TMEM119: variants seen among roughly 807,000 people sequenced by gnomAD.
The protein encoded by TMEM119 is transmembrane protein 119.
For synonymous variants in TMEM119, 182 were observed against 176.4 expected (o/e 1.03, Z -0.25); for missense variants, 410 against 381.0 (o/e 1.08, Z -0.63).
intron 1 of TMEM119, among the ~76,000 whole-genome samples, chr12:108,593,358 C>T (rs755608277): frequency 5.9e-5 from 9 of 152,064 alleles, no homozygotes; most frequent in Admixed American, 1.3e-4. Flanking sequence ...GCAGGAAAAT[C>T]GCTTGAACCT....
rs549546694 is a variant in TMEM119, at chr12:108,590,464, G to A, written c.*1068C>T. On this transcript the variant is annotated 3_prime_UTR_variant, in exon 2 of 2. Coordinates refer to ENST00000392806, the MANE Select transcript of TMEM119 (RefSeq NM_181724.3). ...TAATCCCAGCACTTTGGGAGGCAGAGGCAGGTGGATCACCTGAAGGTCAGG... is the reference window on the plus strand; with the variant it reads ...TAATCCCAGCACTTTGGGAGGCAGAAGCAGGTGGATCACCTGAAGGTCAGG... 2 of 152,376 alleles carry A rather than the reference G, an allele frequency of 1.3e-5. No individual in the cohort carries two copies. Among genetic ancestry groups the A allele is most frequent in the East Asian group, 3.9e-4 (2 of 5,184 alleles). The allele number at this position is 152,376 out of a possible 1,614,324, so 9.4% of individuals were successfully genotyped here. A position where few individuals can be genotyped will look rare whatever the true frequency, so the allele number is the denominator to read the frequency against.
At chr12:108,594,154 C>G (rs2031465026) in intron 1 of TMEM119, 1 of 152,260 alleles carries the variant, frequency 6.6e-6, no homozygotes, top group South Asian at 2.1e-4. Flanking sequence ...ACTACCTTCC[C>G]CACAGGTACC....
Position 108,592,480 on chromosome 12 carries a change from G to A in TMEM119, c.-14-83C>T, listed in dbSNP as rs2136741143. The A allele has an allele frequency of 7.1e-7, 1 of 1,408,166 alleles. No individual in the cohort carries two copies. The highest frequency in any genetic ancestry group is 9.4e-7 in the Non-Finnish European group (1 of 1,066,520). 87.2% of individuals were successfully genotyped at this position (1,408,166 alleles called of 1,614,324 possible). A position where few individuals can be genotyped will look rare whatever the true frequency, so the allele number is the denominator to read the frequency against. On this transcript the variant is annotated intron_variant, in intron 1 of 1. Coordinates refer to ENST00000392806, the MANE Select transcript of TMEM119 (RefSeq NM_181724.3). The surrounding 1 kb of genome is among the most constrained non-coding windows in gnomAD (Gnocchi z 4.3). ...GAAACAGGCTCACCAGCCCCCAGGA[G>A]GAACAGGGAGCATGAAACACCTTCT...
chr12:108,591,828 G>A lies in TMEM119; in HGVS notation c.556C>T (p.Pro186Ser), dbSNP rs1276937039. Residue 186 changes from proline (P) to serine (S), a missense_variant, in exon 2 of 2, where the codon CCC becomes TCC. By Grantham distance (74) the Pro-to-Ser change is moderately conservative (BLOSUM62 -1). Coordinates refer to ENST00000392806, the MANE Select transcript of TMEM119 (RefSeq NM_181724.3). This position sits in a 1 kb window ranked among gnomAD's most constrained non-coding sequence, Gnocchi z 4.2. ...ILAATQNLKS[P>S]TRAALGGGDG... ...CCACCGCCCAGTGCAGCCCTGGTGGGGGACTTGAGGTTCTGGGTGGCGGCC... is the reference window on the plus strand; with the variant it reads ...CCACCGCCCAGTGCAGCCCTGGTGGAGGACTTGAGGTTCTGGGTGGCGGCC... 2 of 1,600,518 alleles carry A rather than the reference G, an allele frequency of 1.2e-6. No individual in the cohort carries two copies. The highest frequency in any genetic ancestry group is 1.7e-5 in the Admixed American group (1 of 58,888).
In TMEM119 at chr12:108,591,916, T is replaced by A. The variant is rs2031410224; in HGVS notation, c.468A>T (p.Arg156Ser). 6.2e-7 allele frequency: 1 copy of A among 1,613,186 alleles called. No individual in the cohort carries two copies. The highest frequency in any genetic ancestry group is 2.2e-5 in the East Asian group (1 of 44,846). ...GPRAFSEVPDRAPDSRPEEAL... is the reference protein window; with the variant it reads ...GPRAFSEVPDSAPDSRPEEAL... The stretch of plus-strand genomic sequence containing the variant: ...CTTCCTCGGGCCTGCTGTCGGGGGC[T>A]CTGTCGGGGACCTCACTGAAGGCCC... The change falls in exon 2 of 2, where the codon AGA becomes AGT. Residue 156 changes from arginine to serine, a missense_variant. Arg to Ser is a moderately radical substitution (Grantham distance 110). Transcript: ENST00000392806. The surrounding 1 kb of genome is among the most constrained non-coding windows in gnomAD (Gnocchi z 4.2).
At chr12:108,595,248 C>T (rs537662580) in intron 1 of TMEM119, among the ~76,000 whole-genome samples, 1 of 151,734 alleles carries the variant, frequency 6.6e-6, no homozygotes. Context: ...CACAACCATT[C>T]ATACACGCCA....
chr12:108,597,061 TGCCTG>T (rs1433079395), intron 1 of TMEM119, among the ~76,000 whole-genome samples: 1 of 152,208 alleles, frequency 6.6e-6, no homozygotes, highest in Non-Finnish European at 1.5e-5. Flanking sequence ...GATGCGGCCA[TGCCTG>T]GTGCACAGTG....
In TMEM119 at chr12:108,592,187, G is replaced by A. The variant is rs146247958; in HGVS notation, c.197C>T (p.Ser66Leu). ...PPWTPALSPTSMGPQPITLGG... is the reference protein window; with the variant it reads ...PPWTPALSPTLMGPQPITLGG... ...CAGGGTTATGGGCTGGGGCCCCATC[G>A]ATGTGGGGCTGAGGGCCGGGGTCCA... is the stretch of plus-strand genomic sequence containing the variant. Residue 66 changes from serine to leucine, a missense_variant, in exon 2 of 2, where the codon TCG becomes TTG. Coordinates refer to ENST00000392806, the MANE Select transcript of TMEM119 (RefSeq NM_181724.3). This position sits in a 1 kb window ranked among gnomAD's most constrained non-coding sequence, Gnocchi z 4.3. The A allele has an allele frequency of 5.6e-6, 9 of 1,613,624 alleles. No homozygotes were observed. Among genetic ancestry groups the A allele is most frequent in the Middle Eastern group, 3.3e-4 (2 of 6,084 alleles).
In TMEM119 at chr12:108,597,963, G is replaced by C. The variant is rs2031531764; in HGVS notation, c.-15+7C>G. The stretch of plus-strand genomic sequence containing the variant: ...CTCAGGACAGAGGAGGGGACCCCAG[G>C]ACTCACCAGTTCCTTGGCGTACAGG... On this transcript the variant is annotated splice_region_variant and intron_variant, in intron 1 of 1. Transcript: ENST00000392806. The C allele has an allele frequency of 6.6e-6, 1 of 152,490 alleles. No homozygotes were observed. The highest frequency in any genetic ancestry group is 1.5e-5 in the Non-Finnish European group (1 of 68,256). 9.4% of individuals were successfully genotyped at this position (152,490 alleles called of 1,614,324 possible).
chr12:108,591,408 A>T lies in TMEM119; in HGVS notation c.*124T>A. Reference sequence around the variant, plus strand: ...TGCTGTAGAATCAGCACATGCTGGGATTGGCACCACAGGGAGGCCAAGGAG... The same window carrying T: ...TGCTGTAGAATCAGCACATGCTGGGTTTGGCACCACAGGGAGGCCAAGGAG... On this transcript the variant is annotated 3_prime_UTR_variant, in exon 2 of 2. Coordinates refer to ENST00000392806, the MANE Select transcript of TMEM119 (RefSeq NM_181724.3). This position sits in a 1 kb window ranked among gnomAD's most constrained non-coding sequence, Gnocchi z 4.2. 8.8e-7 allele frequency: 1 copy of T among 1,141,740 alleles called. No individual in the cohort carries two copies. The highest frequency in any genetic ancestry group is 1.2e-6 in the Non-Finnish European group (1 of 814,474). 70.7% of individuals were successfully genotyped at this position (1,141,740 alleles called of 1,614,324 possible). A position where few individuals can be genotyped will look rare whatever the true frequency, so the allele number is the denominator to read the frequency against.
rs2031416795 is a variant in TMEM119, at chr12:108,592,068, A to G, written c.316T>C (p.Phe106Leu). 6.2e-7 allele frequency: 1 copy of G among 1,614,032 alleles called. No individual in the cohort carries two copies. The highest frequency in any genetic ancestry group is 1.1e-5 in the South Asian group (1 of 91,086). Reference sequence around the variant, plus strand: ...GCACAGACGATGAACATCAGCAGAAAGGCCAGGGAGCCCACCACAGCAATC... The same window carrying G: ...GCACAGACGATGAACATCAGCAGAAGGGCCAGGGAGCCCACCACAGCAATC... ...MLIAVVGSLA[F>L]LLMFIVCAAV... Residue 106 changes from phenylalanine to leucine, a missense_variant, in exon 2 of 2, where the codon TTT becomes CTT. Coordinates refer to ENST00000392806, the MANE Select transcript of TMEM119 (RefSeq NM_181724.3). The surrounding 1 kb of genome is among the most constrained non-coding windows in gnomAD (Gnocchi z 4.3).
intron 1 of TMEM119, among the ~76,000 whole-genome samples, chr12:108,597,600 C>A (rs897925452): frequency 6.6e-5 from 10 of 152,004 alleles, no homozygotes; most frequent in Non-Finnish European, 2.9e-5. Flanking sequence ...CACACGGACA[C>A]ACAACACATA....
At chr12:108,593,273 A>G (rs997368773) in intron 1 of TMEM119, among the ~76,000 whole-genome samples, 11 of 152,056 alleles carry the variant, frequency 7.2e-5, no homozygotes, top group Non-Finnish European at 1.6e-4. Context: ...GTGAAACCCC[A>G]TCTCTACTAA....
Position 108,592,434 on chromosome 12 carries a change from A to C in TMEM119, c.-14-37T>G. ...GAGGGAGGAGAGAAGTCATGGCGGA[A>C]CTCTAGAGTGTCAGGATTCAGAAAC... On this transcript the variant is annotated intron_variant, in intron 1 of 1. Transcript: ENST00000392806. The surrounding 1 kb of genome is among the most constrained non-coding windows in gnomAD (Gnocchi z 4.3). The C allele has an allele frequency of 6.6e-7, 1 of 1,506,108 alleles. No individual in the cohort carries two copies. Among genetic ancestry groups the C allele is most frequent in the Non-Finnish European group, 8.8e-7 (1 of 1,133,978 alleles). 93.3% of individuals were successfully genotyped at this position (1,506,108 alleles called of 1,614,324 possible).
At chr12:108,595,392 G>C (rs1420517876) in intron 1 of TMEM119, among the ~76,000 whole-genome samples, 1 of 101,258 alleles carries the variant, frequency 9.9e-6, no homozygotes, top group Admixed American at 1.0e-4. Context: ...ACACAACCAT[G>C]CACACACATA....
chr12:108,591,701 G>T lies in TMEM119; in HGVS notation c.683C>A (p.Thr228Lys). Residue 228 changes from threonine (T) to lysine (K), a missense_variant, in exon 2 of 2, where the codon ACA becomes AAA. By Grantham distance (78) the Thr-to-Lys change is moderately conservative. Coordinates refer to ENST00000392806, the MANE Select transcript of TMEM119 (RefSeq NM_181724.3). The surrounding 1 kb of genome is among the most constrained non-coding windows in gnomAD (Gnocchi z 4.2). ...EVQGHGVPVE[T>K]PEAQEEPCSG... ...GCACGGCTCCTCCTGCGCCTCTGGT[G>T]TCTCCACTGGGACCCCATGTCCCTG... 1 of 1,613,290 alleles carries T rather than the reference G, an allele frequency of 6.2e-7. No homozygotes were observed. The highest frequency in any genetic ancestry group is 1.3e-5 in the African/African-American group (1 of 75,018).
At chr12:108,596,499 G>A (rs1807226312) in intron 1 of TMEM119, among the ~76,000 whole-genome samples, 1 of 152,028 alleles carries the variant, frequency 6.6e-6, no homozygotes, top group African/African-American at 2.4e-5. Context: ...AACTGCCACT[G>A]GCTCTTTAAG....
At chr12:108,594,549 T>TTAAAAAAAAA (rs1565882682) in intron 1 of TMEM119, 1 of 34,264 alleles carries the variant, frequency 2.9e-5, no homozygotes, top group Admixed American at 2.1e-4. Context: ...CAAGAACCTG[T>TTAAAAAAAAA]CAAAAAAAAA....
At position 108,591,660 on chromosome 12, in the gene TMEM119, C is replaced by T. The variant is rs781745059; in HGVS notation, c.724G>A (p.Gly242Arg). ...QEEPCSGVLE[G>R]AVVAGEGQGE... is the part of the protein sequence containing the mutation. ...TGGCCCTCACCGGCCACCACAGCCC[C>T]CTCAAGGACCCCTGAGCACGGCTCC... Residue 242 changes from glycine to arginine, a missense_variant, in exon 2 of 2, where the codon GGG (glycine) becomes AGG (arginine). Physicochemically the swap from Gly to Arg is moderately radical, Grantham distance 125. Transcript: ENST00000392806. This position sits in a 1 kb window ranked among gnomAD's most constrained non-coding sequence, Gnocchi z 4.2. 5.6e-6 allele frequency: 9 copies of T among 1,613,846 alleles called. No individual in the cohort carries two copies. The South Asian group carries it at 6.6e-5, about 12-fold the overall frequency.
Sources: gnomAD v4.1 joint callset for allele counts (sites outside exome capture counted in the v4.1 genomes callset) on GRCh38, gnomAD v4.1.1 for gene constraint, Gnocchi (gnomAD v3.1) non-coding constraint, MANE v1.5 for transcripts, NCBI Gene and HGNC (gene_info 2026-07-23, HGNC 2026-07-21) for gene names.